The following PARP16 variants were observed in gnomAD, a reference collection of about 807,000 sequenced individuals.
PARP16 encodes poly(ADP-ribose) polymerase family member 16, also known as protein mono-ADP-ribosyltransferase PARP16.
Under a neutral mutation model 35.0 loss-of-function variants are expected in PARP16, and 31 were observed. That is an observed-to-expected ratio of 0.88 (90% CI 0.66 to 1.19). The LOEUF is 1.19. Ranked by LOEUF, PARP16 falls within the 50% of genes most tolerant of loss-of-function variation. PARP16 has a pLI of 0.00. For missense variants in PARP16, 424 were observed against 411.2 expected (o/e 1.03, Z -0.27); for synonymous variants, 162 against 169.5 (o/e 0.96, Z 0.34).
chr15:65,262,064 T>C (rs1415349813), intron 4 of PARP16, among the ~76,000 whole-genome samples: 2 of 152,110 alleles, frequency 1.3e-5, no homozygotes, highest in African/African-American at 4.8e-5. Flanking sequence ...TCCAGTTGTT[T>C]TACATTAGAG....
intron 3 of PARP16, among the ~76,000 whole-genome samples, chr15:65,241,378 T>C (rs573514112): frequency 6.6e-6 from 1 of 152,284 alleles, no homozygotes; most frequent in African/African-American, 2.4e-5. Context: ...TGACCTCAGG[T>C]GATCCGCCCA....
chr15:65,257,594 C>T (rs1370133956), downstream of PARP16, among the ~76,000 whole-genome samples: 2 of 142,900 alleles, frequency 1.4e-5, no homozygotes, highest in Non-Finnish European at 1.5e-5. Flanking sequence ...TGCGTCACTG[C>T]ACTCCAGCCT....
At chr15:65,248,722 C>T (rs1312166977) in intron 2 of PARP16, among the ~76,000 whole-genome samples, 1 of 152,220 alleles carries the variant, frequency 6.6e-6, no homozygotes, top group Non-Finnish European at 1.5e-5. Flanking sequence ...TGCCTCCTTC[C>T]CCCTCCTGTC....
intron 3 of PARP16, among the ~76,000 whole-genome samples, chr15:65,239,955 C>CTTTTTTTTTTTTTTTTTTTTTTCT (rs367808430): frequency 1.2e-5 from 1 of 81,750 alleles, no homozygotes; most frequent in African/African-American, 5.8e-5. Context: ...CGCGTCTGAC[C>CTTTTTTTTTTTTTTTTTTTTTTCT]TTTTTTTTTT....
chr15:65,238,647 G>A (rs1250514959), intron 3 of PARP16, among the ~76,000 whole-genome samples: 3 of 152,172 alleles, frequency 2.0e-5, no homozygotes, highest in Non-Finnish European at 2.9e-5. Flanking sequence ...TGACTCCCAT[G>A]TCGACTCTCA....
intron 1 of PARP16, among the ~76,000 whole-genome samples, chr15:65,273,310 T>C (rs1338740004): frequency 8.8e-6 from 1 of 113,996 alleles, no homozygotes; most frequent in Non-Finnish European, 2.0e-5. Flanking sequence ...CCTGTGGTTC[T>C]TTTCCATTTT....
intron 3 of PARP16, among the ~76,000 whole-genome samples, chr15:65,239,424 TAAAAAAAAAAAAAAAAAA>T (rs758350761): frequency 1.4e-4 from 1 of 6,960 alleles, no homozygotes; most frequent in Non-Finnish European, 2.2e-4. Flanking sequence ...AGACTTTGCC[TAAAAAAAAAAAAAAAAAA>T]AAAAAAAAAA....
At chr15:65,233,969 A>C (rs988141420), downstream of PARP16, among the ~76,000 whole-genome samples, 7 of 152,126 alleles carry the variant, frequency 4.6e-5, no homozygotes, top group Middle Eastern at 3.2e-3. Context: ...CAGGGTACTT[A>C]GTCCACTTTA....
At chr15:65,233,240 C>T (rs1262727686), downstream of PARP16, among the ~76,000 whole-genome samples, 4 of 151,778 alleles carry the variant, frequency 2.6e-5, no homozygotes, top group South Asian at 6.2e-4. Context: ...GGTGAAACCC[C>T]GTCTCTACTA....
At chr15:65,275,603 G>A (rs2090230332) in intron 1 of PARP16, among the ~76,000 whole-genome samples, 1 of 152,094 alleles carries the variant, frequency 6.6e-6, no homozygotes, top group Non-Finnish European at 1.5e-5. Flanking sequence ...TAGAGTGTGG[G>A]GAAGTGGCTG....
intron 4 of PARP16, among the ~76,000 whole-genome samples, chr15:65,262,205 T>C (rs1381942762): frequency 6.6e-6 from 1 of 151,248 alleles, no homozygotes; most frequent in Non-Finnish European, 1.5e-5. Flanking sequence ...TGATGTTGGA[T>C]TACTGCAACC....
At chr15:65,254,098 C>T (rs1213814158), downstream of PARP16, among the ~76,000 whole-genome samples, 1 of 152,162 alleles carries the variant, frequency 6.6e-6, no homozygotes, top group Non-Finnish European at 1.5e-5. Flanking sequence ...AGATTATAGC[C>T]GTGAACCACC....
At chr15:65,282,494 G>A (rs1191301805) in intron 1 of PARP16, 2 of 152,220 alleles carry the variant, frequency 1.3e-5, no homozygotes, top group East Asian at 1.9e-4. Context: ...GGCCTAAAGT[G>A]TGTGTTTATC....
At chr15:65,250,491 C>T (rs1322134147) in intron 2 of PARP16, among the ~76,000 whole-genome samples, 3 of 152,158 alleles carry the variant, frequency 2.0e-5, no homozygotes, top group Admixed American at 1.3e-4. Flanking sequence ...TTGCACAAGT[C>T]ATCTCCAAAC....
Position 65,259,490 on chromosome 15 carries a change from A to G in PARP16, c.886T>C (p.Ser296Pro). 6.2e-7 allele frequency: 1 copy of G among 1,613,752 alleles called. No individual in the cohort carries two copies. The highest frequency in any genetic ancestry group is 8.5e-7 in the Non-Finnish European group (1 of 1,179,586). Residue 296 changes from serine (S) to proline (P), a missense_variant, in exon 6 of 6, where the codon TCC becomes CCC. Transcript: ENST00000649807. ...ATGAGCAGCAGCAGCAGATACAGGGATATCATGACGGTAAACCAATGGCTG... is the reference window on the plus strand; with the variant it reads ...ATGAGCAGCAGCAGCAGATACAGGGGTATCATGACGGTAAACCAATGGCTG... ...FSSHWFTVMI[S>P]LYLLLLLIVS...
chr15:65,266,805 G>T, intron 2 of PARP16, 37 bp from the exon 3 acceptor site: 1 of 1,500,320 alleles, frequency 6.7e-7, no homozygotes, highest in Non-Finnish European at 9.2e-7. Context: ...TTTATTTGGG[G>T]AGCTGGTAAA....
chr15:65,248,784 C>T (rs765986927), intron 2 of PARP16, among the ~76,000 whole-genome samples: 20 of 152,236 alleles, frequency 1.3e-4, no homozygotes, highest in Middle Eastern at 3.4e-3. Flanking sequence ...CTGAAAAAGC[C>T]GGCTCTTCCT....
intron 2 of PARP16, among the ~76,000 whole-genome samples, chr15:65,249,608 TGC>T (rs1491502893): frequency 1.6e-4 from 24 of 152,252 alleles, no homozygotes; most frequent in African/African-American, 5.8e-4. Flanking sequence ...ACAGGAATGC[TGC>T]TGAGCCCAGC....
chr15:65,234,510 C>T (rs1187787097), exon 4 of PARP16: 1 of 152,222 alleles, frequency 6.6e-6, no homozygotes, highest in Non-Finnish European at 1.5e-5. Context: ...TTATTGGCTC[C>T]TGTTCCAGCT....
Sources: gnomAD v4.1 joint callset for allele counts (sites outside exome capture counted in the v4.1 genomes callset) on GRCh38, gnomAD v4.1.1 for gene constraint, MANE v1.5 for transcripts, NCBI Gene and HGNC (gene_info 2026-07-23, HGNC 2026-07-21) for gene names.